CYB5A: variants seen among roughly 807,000 people sequenced by gnomAD.
CYB5A encodes the protein cytochrome b5 type A.
Under a neutral mutation model 16.2 loss-of-function variants are expected in CYB5A, and 10 were observed. The ratio of observed to expected loss-of-function variants is 0.62; its 90% CI spans 0.38 to 1.04. CYB5A has a LOEUF of 1.04. Ranked by LOEUF, CYB5A falls within the 50% of genes least tolerant of loss-of-function variation. The probability of loss-of-function intolerance (pLI) is 0.01; values close to 1 mark genes in which losing one functional copy is unlikely to be tolerated. For missense variants in CYB5A, 161 were observed against 165.9 expected, an observed-to-expected ratio of 0.97 and a Z score of 0.16; for synonymous variants, 62 against 57.0, an observed-to-expected ratio of 1.09 and a Z score of -0.40.
At chr18:74,285,776 CA>C (rs1983293990) in intron 1 of CYB5A, among the ~76,000 whole-genome samples, 1 of 147,596 alleles carries the variant, frequency 6.8e-6, no homozygotes, top group East Asian at 2.0e-4. Context: ...TGGTTGAGCC[CA>C]GGAGGTCAAG....
At chr18:74,286,900 A>C (rs933455739) in intron 1 of CYB5A, among the ~76,000 whole-genome samples, 1 of 152,228 alleles carries the variant, frequency 6.6e-6, no homozygotes, top group African/African-American at 2.4e-5. Context: ...CAAAAAGCAA[A>C]AGTTAATTTG....
At chr18:74,291,313 C>T (rs574355183) in intron 1 of CYB5A, among the ~76,000 whole-genome samples, 48 of 152,376 alleles carry the variant, frequency 3.2e-4, no homozygotes, top group African/African-American at 1.1e-3. Context: ...TGCTCCAGCA[C>T]CACCTAGCGA....
At chr18:74,275,957 C>T (rs1599260548) in intron 1 of CYB5A, among the ~76,000 whole-genome samples, 1 of 152,276 alleles carries the variant, frequency 6.6e-6, no homozygotes, top group African/African-American at 2.4e-5. Context: ...ACCAGCGCGG[C>T]ACCGGGATCT....
At chr18:74,279,919 G>C (rs946109630) in intron 1 of CYB5A, among the ~76,000 whole-genome samples, 1 of 152,210 alleles carries the variant, frequency 6.6e-6, no homozygotes, top group African/African-American at 2.4e-5. Context: ...GTGAATAAAA[G>C]AGAAAAAGTC....
chr18:74,257,244 T>A, intron 3 of CYB5A: 1 of 267,992 alleles, frequency 3.7e-6, no homozygotes, highest in Non-Finnish European at 7.2e-6. Flanking sequence ...TCCTGCTGCC[T>A]TTGTGGTTAC....
At chr18:74,259,181 G>A (rs549750092) in intron 3 of CYB5A, 2 of 152,330 alleles carry the variant, frequency 1.3e-5, no homozygotes, top group Admixed American at 6.5e-5. Flanking sequence ...TAAAAAGTTA[G>A]TGTGATTCTC....
intron 1 of CYB5A, among the ~76,000 whole-genome samples, chr18:74,274,919 G>A (rs1171582685): frequency 1.3e-5 from 2 of 152,182 alleles, no homozygotes; most frequent in African/African-American, 4.8e-5. Flanking sequence ...GGAAACCAGG[G>A]AGGGCCTCTG....
At chr18:74,257,815 G>A (rs1447089478) in intron 3 of CYB5A, 4 of 152,372 alleles carry the variant, frequency 2.6e-5, no homozygotes, top group Non-Finnish European at 5.9e-5. Flanking sequence ...TACTCGGGAG[G>A]CTGAGGTGGG....
intron 1 of CYB5A, among the ~76,000 whole-genome samples, chr18:74,277,078 A>T (rs1343275582): frequency 6.7e-6 from 1 of 148,320 alleles, no homozygotes; most frequent in Admixed American, 6.9e-5. Context: ...GGCAAAAACA[A>T]CCTTTAATTT....
At chr18:74,285,618 C>A (rs1568225327) in intron 1 of CYB5A, among the ~76,000 whole-genome samples, 1 of 152,012 alleles carries the variant, frequency 6.6e-6, no homozygotes, top group Non-Finnish European at 1.5e-5. Context: ...AATCCCAGCA[C>A]TCTGGGAGGC....
chr18:74,256,965 G>T, intron 3 of CYB5A: 1 of 892,354 alleles, frequency 1.1e-6, no homozygotes, highest in Non-Finnish European at 1.8e-6. Flanking sequence ...CATAACTACA[G>T]CAAGAGGATT....
chr18:74,289,452 A>T (rs1046311032), intron 1 of CYB5A, among the ~76,000 whole-genome samples: 2 of 152,140 alleles, frequency 1.3e-5, no homozygotes, highest in Non-Finnish European at 2.9e-5. Context: ...ACCTCTGGCA[A>T]TATCTGGAGA....
chr18:74,278,599 C>T (rs1982971761), intron 1 of CYB5A, among the ~76,000 whole-genome samples: 2 of 152,148 alleles, frequency 1.3e-5, no homozygotes, highest in African/African-American at 2.4e-5. Flanking sequence ...TCTCCTGAAT[C>T]ACAGAACCAA....
chr18:74,269,293 G>T (rs1790805), intron 1 of CYB5A, among the ~76,000 whole-genome samples: 2,050 of 121,638 alleles, frequency 0.017, 43 homozygotes, highest in African/African-American at 0.052. Context: ...ACTTCCAGGG[G>T]AACAGGCTGC....
intron 1 of CYB5A, among the ~76,000 whole-genome samples, 193 bp from the exon 2 acceptor site, chr18:74,263,670 A>T (rs2032267): frequency 6.6e-6 from 1 of 152,068 alleles, no homozygotes; most frequent in Non-Finnish European, 1.5e-5. Context: ...CAAGTACAAT[A>T]GGCCTAGGCA....
chr18:74,256,021 T>G (rs1412241310), intron 3 of CYB5A: 13 of 493,572 alleles, frequency 2.6e-5, no homozygotes. Context: ...ACATTCAAAA[T>G]TAATATGCTA....
At chr18:74,291,185 C>T (rs1366984987) in intron 1 of CYB5A, 5 of 192,298 alleles carry the variant, frequency 2.6e-5, no homozygotes, top group Non-Finnish European at 4.3e-5. Flanking sequence ...GGTGGGTGGT[C>T]TCCAGCCGGC....
chr18:74,273,784 G>T (rs1247531599), intron 1 of CYB5A, among the ~76,000 whole-genome samples: 1 of 152,178 alleles, frequency 6.6e-6, no homozygotes, highest in Non-Finnish European at 1.5e-5. Flanking sequence ...GCTCCCCCGG[G>T]GATCACAACA....
At chr18:74,286,217 A>G (rs902067605) in intron 1 of CYB5A, among the ~76,000 whole-genome samples, 3 of 152,248 alleles carry the variant, frequency 2.0e-5, no homozygotes, top group African/African-American at 7.2e-5. Flanking sequence ...TCTTCTTTGC[A>G]GTTTTCCACA....
Sources: gnomAD v4.1 joint callset for allele counts (sites outside exome capture counted in the v4.1 genomes callset) on GRCh38, gnomAD v4.1.1 for gene constraint, MANE v1.5 for transcripts, NCBI Gene and HGNC (gene_info 2026-07-23, HGNC 2026-07-21) for gene names.